The following KCND2 variants were observed in gnomAD, a reference collection of about 807,000 sequenced individuals.
KCND2 encodes A-type voltage-gated potassium channel KCND2.
Under a neutral mutation model 54.4 loss-of-function variants are expected in KCND2, and 16 were observed. That is an observed-to-expected ratio of 0.29 (90% CI 0.20 to 0.45). The LOEUF (loss-of-function observed/expected upper bound fraction) is 0.45. Among genes scored for constraint, KCND2 ranks in the 20% least tolerant of loss-of-function variants. The pLI, the probability that KCND2 is intolerant of heterozygous loss-of-function variation, is 1.00. For missense variants in KCND2, 486 were observed against 824.2 expected, an observed-to-expected ratio of 0.59 and a Z score of 5.02; for synonymous variants, 317 against 310.7, an observed-to-expected ratio of 1.02 and a Z score of -0.21.
chr7:120,643,456 T>G (rs1793401803), intron 1 of KCND2, among the ~76,000 whole-genome samples: 1 of 152,140 alleles, frequency 6.6e-6, no homozygotes, highest in African/African-American at 2.4e-5. Flanking sequence ...CACAGGTATG[T>G]GATTTGATCA....
intron 1 of KCND2, among the ~76,000 whole-genome samples, chr7:120,474,051 T>C (rs1802499381): frequency 6.6e-6 from 1 of 152,204 alleles, no homozygotes; most frequent in African/African-American, 2.4e-5. Flanking sequence ...GGAGCTCTAC[T>C]TACCTCAGCT....
intron 1 of KCND2, among the ~76,000 whole-genome samples, chr7:120,652,431 G>A (rs1242267381): frequency 1.3e-5 from 2 of 152,132 alleles, no homozygotes; most frequent in Admixed American, 6.5e-5. Context: ...ACTGAAGGGT[G>A]GAGAGACACA....
At chr7:120,432,280 C>T (rs557948995) in intron 1 of KCND2, among the ~76,000 whole-genome samples, 2 of 152,288 alleles carry the variant, frequency 1.3e-5, no homozygotes, top group East Asian at 1.9e-4. Flanking sequence ...CCCAGAATGA[C>T]ACCTTGTGTT....
intron 1 of KCND2, among the ~76,000 whole-genome samples, chr7:120,604,345 A>C (rs1366905616): frequency 1.3e-5 from 2 of 150,136 alleles, no homozygotes; most frequent in East Asian, 3.9e-4. Context: ...TTACTAAAAA[A>C]AAAAAAAAAA....
intron 1 of KCND2, among the ~76,000 whole-genome samples, chr7:120,727,883 C>T (rs1792754207): frequency 6.6e-6 from 1 of 151,902 alleles, no homozygotes; most frequent in Admixed American, 6.6e-5. Flanking sequence ...CGCTTGTAAT[C>T]CCAGCACTTT....
chr7:120,621,080 C>T (rs1285688300), intron 1 of KCND2, among the ~76,000 whole-genome samples: 5 of 151,784 alleles, frequency 3.3e-5, no homozygotes, highest in Admixed American at 3.3e-4. Context: ...CGAGACCAGC[C>T]TGACCAACAG....
intron 1 of KCND2, among the ~76,000 whole-genome samples, chr7:120,364,808 AG>A (rs1800643586): frequency 6.6e-6 from 1 of 152,068 alleles, no homozygotes; most frequent in Non-Finnish European, 1.5e-5. Flanking sequence ...TCAGATATTG[AG>A]GATGGGGGTT....
At chr7:120,596,913 C>T (rs1346717640) in intron 1 of KCND2, among the ~76,000 whole-genome samples, 2 of 152,138 alleles carry the variant, frequency 1.3e-5, no homozygotes, top group Non-Finnish European at 2.9e-5. Context: ...ATTCTATGTG[C>T]GAGGCACTGT....
chr7:120,547,728 G>T (rs1310385122), intron 1 of KCND2, among the ~76,000 whole-genome samples: 3 of 152,060 alleles, frequency 2.0e-5, no homozygotes, highest in Admixed American at 6.6e-5. Context: ...TTAAGTGCCA[G>T]AACGACTAAC....
At chr7:120,420,999 A>G (rs1369904649) in intron 1 of KCND2, among the ~76,000 whole-genome samples, 2 of 152,224 alleles carry the variant, frequency 1.3e-5, no homozygotes, top group Admixed American at 1.3e-4. Flanking sequence ...AAGTATAATT[A>G]TGATTATTAA....
intron 1 of KCND2, among the ~76,000 whole-genome samples, chr7:120,503,860 GAAGGGACCCTTTCAAGC>G (rs951087266): frequency 3.3e-5 from 5 of 151,856 alleles, no homozygotes; most frequent in African/African-American, 1.2e-4. Context: ...AAGGCCTTTG[GAAGGGACCCTTTCAAGC>G]AAGGGACCCT....
intron 1 of KCND2, among the ~76,000 whole-genome samples, chr7:120,510,780 A>T (rs1055982382): frequency 1.3e-5 from 2 of 151,836 alleles, no homozygotes; most frequent in Non-Finnish European, 2.9e-5. Context: ...AGCCTTCCTA[A>T]TCAGTTTTTT....
chr7:120,532,749 C>A (rs1791857454), intron 1 of KCND2, among the ~76,000 whole-genome samples: 1 of 151,362 alleles, frequency 6.6e-6, no homozygotes. Flanking sequence ...GAATAAAATA[C>A]CCAATTAAAA....
At chr7:120,471,004 A>G in intron 1 of KCND2, among the ~76,000 whole-genome samples, 1 of 152,186 alleles carries the variant, frequency 6.6e-6, no homozygotes, top group East Asian at 1.9e-4. Context: ...TATTAAAATC[A>G]TTAGATATTA....
intron 1 of KCND2, among the ~76,000 whole-genome samples, chr7:120,315,181 A>G (rs1799795523): frequency 6.6e-6 from 1 of 152,154 alleles, no homozygotes; most frequent in Non-Finnish European, 1.5e-5. Flanking sequence ...AATCTCTCTG[A>G]GCATTTCATT....
intron 1 of KCND2, among the ~76,000 whole-genome samples, chr7:120,478,121 A>T (rs1171708872): frequency 1.3e-5 from 2 of 152,206 alleles, no homozygotes; most frequent in African/African-American, 4.8e-5. Flanking sequence ...AATTTGGAGC[A>T]AACATACACA....
intron 1 of KCND2, among the ~76,000 whole-genome samples, chr7:120,505,734 T>C (rs1803005590): frequency 6.6e-6 from 1 of 151,740 alleles, no homozygotes; most frequent in Admixed American, 6.6e-5. Flanking sequence ...GTAAGAATTC[T>C]GGACTCAGAG....
chr7:120,511,367 C>G (rs903437940), intron 1 of KCND2, among the ~76,000 whole-genome samples: 1 of 152,036 alleles, frequency 6.6e-6, no homozygotes, highest in Admixed American at 6.6e-5. Flanking sequence ...TCTGTCTTGT[C>G]CCTAAGAATA....
intron 1 of KCND2, among the ~76,000 whole-genome samples, chr7:120,399,601 T>C (rs1266363285): frequency 6.6e-6 from 1 of 152,048 alleles, no homozygotes; most frequent in Non-Finnish European, 1.5e-5. Context: ...AAATAATGTG[T>C]AGATGCTTCA....
Sources: allele counts gnomAD v4.1 joint callset (sites outside exome capture counted in the v4.1 genomes callset), GRCh38; gene constraint gnomAD v4.1.1; transcripts MANE v1.5; gene names NCBI Gene and HGNC (gene_info 2026-07-23, HGNC 2026-07-21).